KALRN: variants seen among roughly 807,000 people sequenced by gnomAD.
KALRN encodes kalirin RhoGEF kinase, also known as kalirin.
A neutral mutation model predicts 353.7 loss-of-function variants in KALRN; 70 were observed. The observed-to-expected ratio is 0.20, with a 90% CI of 0.16 to 0.24. The LOEUF (loss-of-function observed/expected upper bound fraction) is 0.24. KALRN is among the 10% of genes least tolerant of loss of function. The probability of loss-of-function intolerance (pLI) is 1.00; values close to 1 mark genes in which losing one functional copy is unlikely to be tolerated. For missense variants in KALRN, 2,791 were observed against 3,756.7 expected, an observed-to-expected ratio of 0.74 and a Z score of 6.72; for synonymous variants, 1,391 against 1,434.8, an observed-to-expected ratio of 0.97 and a Z score of 0.69.
chr3:124,692,016 TC>T (rs2061840482), intron 51 of KALRN, among the ~76,000 whole-genome samples: 1 of 152,210 alleles, frequency 6.6e-6, no homozygotes, highest in Non-Finnish European at 1.5e-5. Flanking sequence ...CAAGATCAGT[TC>T]CCTGGAATAG....
intron 1 of KALRN, among the ~76,000 whole-genome samples, chr3:124,105,589 GGA>G (rs1273388898): frequency 6.6e-6 from 1 of 152,152 alleles, no homozygotes; most frequent in Non-Finnish European, 1.5e-5. Context: ...TAGAGGAGAA[GGA>G]GAGTTAGGGA....
chr3:124,571,010 A>C (rs1172003624), intron 34 of KALRN, among the ~76,000 whole-genome samples: 1 of 152,188 alleles, frequency 6.6e-6, no homozygotes, highest in African/African-American at 2.4e-5. Context: ...TAAGGGCTAG[A>C]ATATTCCTCA....
At chr3:124,717,853 C>T (rs928126381) in intron 59 of KALRN, among the ~76,000 whole-genome samples, 4 of 151,802 alleles carry the variant, frequency 2.6e-5, no homozygotes, top group African/African-American at 7.3e-5. Flanking sequence ...ACTCTGTTGC[C>T]GAGGCTGAAG....
chr3:124,053,617 G>A (rs892165291), intron 1 of KALRN, among the ~76,000 whole-genome samples: 2 of 151,958 alleles, frequency 1.3e-5, no homozygotes, highest in South Asian at 4.2e-4. Flanking sequence ...AATACAAAAC[G>A]TTAAAAAAAA....
At chr3:124,469,006 A>G (rs1392623469) in intron 25 of KALRN, among the ~76,000 whole-genome samples, 1 of 152,260 alleles carries the variant, frequency 6.6e-6, no homozygotes, top group African/African-American at 2.4e-5. Flanking sequence ...TTTTTGTTTT[A>G]CACACTAACT....
At chr3:124,477,187 G>A in intron 26 of KALRN, 58 bp from the exon 27 acceptor site, 1 of 1,277,544 alleles carries the variant, frequency 7.8e-7, no homozygotes, top group Non-Finnish European at 1.1e-6. Context: ...CTTCAGCATG[G>A]TGGACAGAAG....
At chr3:124,510,509 A>C (rs2065779061) in intron 33 of KALRN, among the ~76,000 whole-genome samples, 1 of 149,516 alleles carries the variant, frequency 6.7e-6, no homozygotes, top group Admixed American at 6.6e-5. Context: ...TAGCACACAA[A>C]AAATGCTGAG....
intron 11 of KALRN, among the ~76,000 whole-genome samples, chr3:124,388,202 G>A (rs747690939): frequency 3.3e-5 from 5 of 152,146 alleles, no homozygotes; most frequent in Middle Eastern, 3.4e-3. Context: ...TTATGAGGAT[G>A]ACTATTACAA....
intron 33 of KALRN, among the ~76,000 whole-genome samples, chr3:124,553,411 G>A (rs2070794384): frequency 6.6e-6 from 1 of 152,222 alleles, no homozygotes; most frequent in Non-Finnish European, 1.5e-5. Flanking sequence ...CTGAATAACT[G>A]AGGTTTGATG....
At chr3:124,324,509 A>G (rs1378587421) in intron 6 of KALRN, among the ~76,000 whole-genome samples, 1 of 152,232 alleles carries the variant, frequency 6.6e-6, no homozygotes, top group African/African-American at 2.4e-5. Flanking sequence ...GTTATTTCCC[A>G]TAACAAGAAT....
intron 1 of KALRN, among the ~76,000 whole-genome samples, chr3:124,213,263 T>C (rs2077046041): frequency 6.6e-6 from 1 of 152,138 alleles, no homozygotes; most frequent in South Asian, 2.1e-4. Context: ...TGGATTTTTC[T>C]TTTCCAAATA....
chr3:124,199,478 A>G (rs1173019502), intron 1 of KALRN, among the ~76,000 whole-genome samples: 1 of 152,210 alleles, frequency 6.6e-6, no homozygotes, highest in Non-Finnish European at 1.5e-5. Context: ...GTTTCCTTTT[A>G]TACTCTGGAG....
Position 124,666,469 on chromosome 3 carries a change from G to A in KALRN, c.6366G>A (p.Gly2122=). ...TTCAGGGCACTCTGACTGCTCAGGGGAAGCTGCTGCAGCAGGACACATTCT... is the reference window on the plus strand; with the variant it reads ...TTCAGGGCACTCTGACTGCTCAGGGAAAGCTGCTGCAGCAGGACACATTCT... ...QGFEGTLTAQ[G]KLLQQDTFYV... The change falls in exon 46 of 60, where the codon GGG becomes GGA. Residue 2122 remains glycine, a synonymous_variant. Coordinates refer to ENST00000682506, the MANE Select transcript of KALRN (RefSeq NM_001388419.1). 1 of 1,613,968 alleles carries A rather than the reference G, an allele frequency of 6.2e-7. No individual in the cohort carries two copies. The highest frequency in any genetic ancestry group is 2.2e-5 in the East Asian group (1 of 44,876).
At chr3:124,640,214 A>G (rs538912260) in intron 37 of KALRN, among the ~76,000 whole-genome samples, 1 of 152,296 alleles carries the variant, frequency 6.6e-6, no homozygotes, top group African/African-American at 2.4e-5. Context: ...CAAAAGAAGC[A>G]ATAGTATTCA....
chr3:124,597,882 T>A (rs2076418916), intron 34 of KALRN, among the ~76,000 whole-genome samples: 1 of 152,218 alleles, frequency 6.6e-6, no homozygotes, highest in Non-Finnish European at 1.5e-5. Flanking sequence ...GTGAAATGAT[T>A]CCATTCTATC....
intron 47 of KALRN, among the ~76,000 whole-genome samples, chr3:124,670,908 T>C (rs2086339248): frequency 6.6e-6 from 1 of 152,194 alleles, no homozygotes; most frequent in Non-Finnish European, 1.5e-5. Flanking sequence ...ACCTGAGCCA[T>C]CCTCGATTCT....
intron 28 of KALRN, among the ~76,000 whole-genome samples, chr3:124,483,702 G>A (rs1173041643): frequency 6.6e-6 from 1 of 152,178 alleles, no homozygotes. Context: ...TAGTCAAAGG[G>A]TACATATTAA....
intron 5 of KALRN, among the ~76,000 whole-genome samples, chr3:124,275,831 G>T (rs751550470): frequency 8.5e-4 from 100 of 118,024 alleles, no homozygotes; most frequent in Admixed American, 2.4e-3. Flanking sequence ...GGTCCTGCAG[G>T]TCACCAGGCT....
At chr3:124,158,545 C>A (rs1414925506) in intron 1 of KALRN, among the ~76,000 whole-genome samples, 3 of 152,174 alleles carry the variant, frequency 2.0e-5, no homozygotes, top group Admixed American at 2.0e-4. Context: ...TTGAGTTTCT[C>A]TTTGCCTGTT....
Sources: gnomAD v4.1 joint callset for allele counts (sites outside exome capture counted in the v4.1 genomes callset) on GRCh38, gnomAD v4.1.1 for gene constraint, MANE v1.5 for transcripts, NCBI Gene and HGNC (gene_info 2026-07-23, HGNC 2026-07-21) for gene names.